Variants in ANGPTL2 observed in about 807,000 individuals in gnomAD.
The protein encoded by ANGPTL2 is angiopoietin like 2.
A neutral mutation model predicts 52.8 loss-of-function variants in ANGPTL2; 25 were observed. The ratio of observed to expected loss-of-function variants is 0.47; its 90% CI spans 0.35 to 0.66. The LOEUF is 0.66. Ranked by LOEUF, ANGPTL2 falls within the 30% of genes least tolerant of loss-of-function variation. The pLI is 0.01. For synonymous variants in ANGPTL2, 276 were observed against 277.4 expected (o/e 1.00, Z 0.05); for missense variants, 546 against 656.9 (o/e 0.83, Z 1.84).
rs2052064788 is a variant in ANGPTL2, at chr9:127,088,685, A to G, written c.*254T>C. 2 of 534,252 alleles carry G rather than the reference A, an allele frequency of 3.7e-6. No individual in the cohort carries two copies. The highest frequency in any genetic ancestry group is 4.9e-5 in the South Asian group (2 of 40,798). 33.1% of individuals were successfully genotyped at this position (534,252 alleles called of 1,614,324 possible). A position where few individuals can be genotyped will look rare whatever the true frequency, so the allele number is the denominator to read the frequency against. ...TGTAGAGACTTAATTTATTTAAAGA[A>G]AGAGTTGTCTGTAGTCCTGTCCTGT... On this transcript the variant is annotated 3_prime_UTR_variant, in exon 5 of 5. Coordinates refer to ENST00000373425, the MANE Select transcript of ANGPTL2 (RefSeq NM_012098.3).
intron 1 of ANGPTL2, among the ~76,000 whole-genome samples, chr9:127,120,225 A>G (rs912893266): frequency 7.2e-5 from 11 of 152,198 alleles, no homozygotes; most frequent in African/African-American, 2.2e-4. Flanking sequence ...CTTATCCACT[A>G]TGGTTCTGCT....
At chr9:127,093,990 C>T (rs1039465526) in intron 2 of ANGPTL2, 64 bp from the exon 3 acceptor site, 1 of 1,555,404 alleles carries the variant, frequency 6.4e-7, no homozygotes, top group Non-Finnish European at 8.8e-7. Context: ...CCCCCAGCTG[C>T]ACCCCAAGCA....
At chr9:127,109,919 G>C (rs1185394173) in intron 1 of ANGPTL2, among the ~76,000 whole-genome samples, 1 of 152,176 alleles carries the variant, frequency 6.6e-6, no homozygotes, top group Non-Finnish European at 1.5e-5. Flanking sequence ...CAAGAGGGAG[G>C]GGAGGACACG....
intron 2 of ANGPTL2, among the ~76,000 whole-genome samples, chr9:127,097,733 C>A (rs866001685): frequency 1.3e-5 from 2 of 152,206 alleles, no homozygotes; most frequent in South Asian, 4.1e-4. Context: ...ATAAATAATG[C>A]CCTCGTAGGG....
chr9:127,097,735 C>T (rs150901008), intron 2 of ANGPTL2, among the ~76,000 whole-genome samples: 125 of 152,276 alleles, frequency 8.2e-4, no homozygotes, highest in African/African-American at 3.0e-3. Flanking sequence ...AAATAATGCC[C>T]TCGTAGGGGG....
At position 127,110,167 on chromosome 9, in the gene ANGPTL2, T is replaced by C. The variant is rs370611760; in HGVS notation, c.-49-1387A>G. 5.9e-5 allele frequency among the ~76,000 whole-genome samples: 9 copies of C among 152,302 alleles called. No individual in the cohort carries two copies. In the East Asian group the frequency reaches 9.6e-4, roughly 16 times the overall value. On this transcript the variant is annotated intron_variant, in intron 1 of 4. Coordinates refer to ENST00000373425, the MANE Select transcript of ANGPTL2 (RefSeq NM_012098.3). ...AGAAAGTTCCTCTCTTCCTGGTCTC[T>C]CTTGAGCCCACCCTCATCAGGCTTT...
chr9:127,117,776 G>C (rs1390137036), intron 1 of ANGPTL2, among the ~76,000 whole-genome samples: 1 of 152,242 alleles, frequency 6.6e-6, no homozygotes, highest in East Asian at 1.9e-4. Flanking sequence ...CAGTAACTGA[G>C]ACAGACACAG....
Position 127,108,189 on chromosome 9 carries a change from G to A in ANGPTL2, c.543C>T (p.His181=). ...CCAGTGTGGCCAGGTGCTGGTACTT[G>A]TGCTCCAGGTCCTTGTACTTGCTGG... ...QLASKYKDLE[H]KYQHLATLAH... The change falls in exon 2 of 5, where the codon CAC becomes CAT. Residue 181 remains histidine, a synonymous_variant. Transcript: ENST00000373425. The A allele has an allele frequency of 6.2e-7, 1 of 1,614,140 alleles. No individual in the cohort carries two copies. The highest frequency in any genetic ancestry group is 1.1e-5 in the South Asian group (1 of 91,082).
intron 1 of ANGPTL2, among the ~76,000 whole-genome samples, chr9:127,116,247 A>AT (rs2055404749): frequency 6.6e-6 from 1 of 151,884 alleles, no homozygotes; most frequent in South Asian, 2.1e-4. Flanking sequence ...TGCTCCTGCC[A>AT]TTGGTGAATT....
intron 1 of ANGPTL2, 126 bp from the exon 2 acceptor site, chr9:127,108,906 G>A: frequency 1.5e-6 from 1 of 687,718 alleles, no homozygotes; most frequent in Non-Finnish European, 2.3e-6. Flanking sequence ...AGGATGCTGG[G>A]TTATATTCTC....
chr9:127,099,097 A>T (rs1057257941), intron 2 of ANGPTL2, among the ~76,000 whole-genome samples: 2 of 152,176 alleles, frequency 1.3e-5, no homozygotes, highest in Admixed American at 1.3e-4. Context: ...CTTCCTGCCC[A>T]CAGCGGGACT....
intron 2 of ANGPTL2, among the ~76,000 whole-genome samples, chr9:127,100,317 A>G (rs935092871): frequency 6.6e-6 from 1 of 152,196 alleles, no homozygotes; most frequent in Non-Finnish European, 1.5e-5. Context: ...GAGGCCTCTC[A>G]AGTAAGAGCT....
chr9:127,102,135 G>A (rs1372662064), intron 2 of ANGPTL2, among the ~76,000 whole-genome samples: 2 of 152,064 alleles, frequency 1.3e-5, no homozygotes, highest in African/African-American at 4.8e-5. Flanking sequence ...TCACTGATGT[G>A]GGTATAAACC....
At chr9:127,118,763 C>T (rs1045578353) in intron 1 of ANGPTL2, among the ~76,000 whole-genome samples, 2 of 152,214 alleles carry the variant, frequency 1.3e-5, no homozygotes, top group African/African-American at 4.8e-5. Flanking sequence ...GCCCCTCCCC[C>T]ATCTGCCTGC....
chr9:127,095,475 A>G (rs149744111), intron 2 of ANGPTL2, among the ~76,000 whole-genome samples: 1 of 152,232 alleles, frequency 6.6e-6, no homozygotes, highest in East Asian at 1.9e-4. Flanking sequence ...GTACCATTGT[A>G]TGTTTTCTAT....
chr9:127,119,314 T>C (rs1156875304), intron 1 of ANGPTL2, among the ~76,000 whole-genome samples: 1 of 151,992 alleles, frequency 6.6e-6, no homozygotes, highest in Non-Finnish European at 1.5e-5. Flanking sequence ...AAGTCCATGG[T>C]TTTCAGAGGG....
chr9:127,096,312 G>A (rs948999767), intron 2 of ANGPTL2, among the ~76,000 whole-genome samples: 9 of 152,256 alleles, frequency 5.9e-5, no homozygotes, highest in African/African-American at 1.4e-4. Flanking sequence ...GCCGGTGGGC[G>A]TGGGAGGCCT....
At chr9:127,107,309 A>G (rs1212169500) in intron 2 of ANGPTL2, among the ~76,000 whole-genome samples, 1 of 152,186 alleles carries the variant, frequency 6.6e-6, no homozygotes, top group Non-Finnish European at 1.5e-5. Context: ...TTCCTCCCCC[A>G]TAACGGTATT....
In ANGPTL2 at chr9:127,108,739, G is replaced by A. The variant is rs2054512554; in HGVS notation, c.-8C>T. The A allele has an allele frequency of 6.3e-7, 1 of 1,592,376 alleles. No homozygotes were observed. The highest frequency in any genetic ancestry group is 8.6e-7 in the Non-Finnish European group (1 of 1,166,784). On this transcript the variant is annotated 5_prime_UTR_variant, in exon 2 of 5. Transcript: ENST00000373425. ...CACGCACAGTGGCCTCATGGTCCTT[G>A]CAAAATGGTGGTTATTCTTTGTGAA...
Sources: allele counts gnomAD v4.1 joint callset (sites outside exome capture counted in the v4.1 genomes callset), GRCh38; gene constraint gnomAD v4.1.1; transcripts MANE v1.5; gene names NCBI Gene and HGNC (gene_info 2026-07-23, HGNC 2026-07-21).